TENM3: variants seen among roughly 807,000 people sequenced by gnomAD.
The protein encoded by TENM3 is teneurin-3.
A neutral mutation model predicts 255.1 loss-of-function variants in TENM3; 63 were observed. The ratio of observed to expected loss-of-function variants is 0.25; its 90% CI spans 0.20 to 0.30. The LOEUF (loss-of-function observed/expected upper bound fraction) is 0.30. Ranked by LOEUF, TENM3 falls within the 10% of genes least tolerant of loss-of-function variation. The pLI is 1.00. For missense variants in TENM3, 2,929 were observed against 3,461.1 expected, an observed-to-expected ratio of 0.85 and a Z score of 3.86; for synonymous variants, 1,306 against 1,322.3, an observed-to-expected ratio of 0.99 and a Z score of 0.27.
chr4:182,075,640 T>G, the TENM3 span, among the ~76,000 whole-genome samples: 56,548 of 152,052 alleles, frequency 0.37, 11,652 homozygotes, highest in African/African-American at 0.56. Context: ...TCCCAATCCA[T>G]ATCATCAGAC....
the TENM3 span, among the ~76,000 whole-genome samples, chr4:181,624,483 A>C: frequency 6.6e-6 from 1 of 151,930 alleles, no homozygotes; most frequent in Non-Finnish European, 1.5e-5. Context: ...ACAATAACTG[A>C]CCTCTTCTTT....
intron 3 of TENM3, among the ~76,000 whole-genome samples, chr4:182,468,393 G>C (rs1166511084): frequency 6.6e-6 from 1 of 152,202 alleles, no homozygotes; most frequent in African/African-American, 2.4e-5. Flanking sequence ...CTGGATGCCA[G>C]AAGACATGAG....
intron 3 of TENM3, among the ~76,000 whole-genome samples, chr4:182,564,744 A>C (rs537421452): frequency 2.0e-5 from 3 of 152,140 alleles, no homozygotes; most frequent in Non-Finnish European, 2.9e-5. Context: ...AAAGGCATCA[A>C]TACGTGTCCT....
the TENM3 span, among the ~76,000 whole-genome samples, chr4:181,592,117 G>A: frequency 6.6e-6 from 1 of 152,158 alleles, no homozygotes; most frequent in Non-Finnish European, 1.5e-5. Flanking sequence ...AACTTTTGCA[G>A]GTGGTGGATA....
chr4:182,206,732 C>T (rs1393083047), intron 1 of TENM3, among the ~76,000 whole-genome samples: 2 of 152,052 alleles, frequency 1.3e-5, no homozygotes, highest in African/African-American at 4.8e-5. Flanking sequence ...GTTTTTGTCC[C>T]TTCCCAATAA....
At chr4:181,582,949 G>T in the TENM3 span, among the ~76,000 whole-genome samples, 1 of 152,148 alleles carries the variant, frequency 6.6e-6, no homozygotes, top group Non-Finnish European at 1.5e-5. Context: ...TTTCTCAAGA[G>T]ATATGAACTA....
chr4:181,780,816 A>T, the TENM3 span, among the ~76,000 whole-genome samples: 14 of 152,168 alleles, frequency 9.2e-5, no homozygotes, highest in Non-Finnish European at 1.8e-4. Context: ...TAAGGAAGGG[A>T]TCCAGTTGCA....
intron 1 of TENM3, among the ~76,000 whole-genome samples, chr4:182,306,759 T>A (rs752933378): frequency 3.3e-5 from 5 of 152,182 alleles, no homozygotes; most frequent in Non-Finnish European, 7.3e-5. Flanking sequence ...ACTAGAAAGG[T>A]TCTGTAGATA....
the TENM3 span, among the ~76,000 whole-genome samples, chr4:181,785,815 TACACACAC>T: frequency 4.7e-5 from 7 of 149,134 alleles, no homozygotes; most frequent in Admixed American, 1.3e-4. Context: ...CACACACACA[TACACACAC>T]ACACACACAC....
At chr4:181,457,838 G>T in the TENM3 span, among the ~76,000 whole-genome samples, 1 of 151,918 alleles carries the variant, frequency 6.6e-6, no homozygotes, top group Admixed American at 6.6e-5. Flanking sequence ...TATTAAAAAG[G>T]TTTCACATAA....
At chr4:181,678,309 G>A in the TENM3 span, among the ~76,000 whole-genome samples, 7 of 152,192 alleles carry the variant, frequency 4.6e-5, no homozygotes, top group Admixed American at 1.3e-4. Flanking sequence ...TCAGGAAAGA[G>A]CTCTCTGAGA....
intron 4 of TENM3, among the ~76,000 whole-genome samples, chr4:182,610,390 A>T (rs1183045687): frequency 6.6e-6 from 1 of 152,212 alleles, no homozygotes; most frequent in Non-Finnish European, 1.5e-5. Context: ...CATAAAGATT[A>T]TCTAATCTGG....
chr4:181,613,834 T>G, the TENM3 span, among the ~76,000 whole-genome samples: 26 of 152,210 alleles, frequency 1.7e-4, no homozygotes, highest in Admixed American at 1.7e-3. Flanking sequence ...TTACTCTTAC[T>G]TTCTCATTAG....
At chr4:182,535,804 A>T (rs1293379849) in intron 3 of TENM3, among the ~76,000 whole-genome samples, 1 of 151,966 alleles carries the variant, frequency 6.6e-6, no homozygotes, top group Admixed American at 6.6e-5. Flanking sequence ...TATGATAAAC[A>T]TTATTACATT....
At chr4:182,796,908 T>G in intron 27 of TENM3, 141 bp downstream of exon 27, 1 of 573,390 alleles carries the variant, frequency 1.7e-6, no homozygotes, top group Non-Finnish European at 2.9e-6. Flanking sequence ...AAACAACACT[T>G]CCTCTGCATT....
At chr4:181,609,806 G>A in the TENM3 span, among the ~76,000 whole-genome samples, 4 of 152,242 alleles carry the variant, frequency 2.6e-5, no homozygotes, top group South Asian at 2.1e-4. Flanking sequence ...CCACATATTC[G>A]ATTTTAACAA....
At chr4:181,764,931 G>A in the TENM3 span, among the ~76,000 whole-genome samples, 1 of 152,112 alleles carries the variant, frequency 6.6e-6, no homozygotes, top group African/African-American at 2.4e-5. Flanking sequence ...CTGGGCTCAA[G>A]GGATCCTCCC....
chr4:181,759,183 A>C, the TENM3 span, among the ~76,000 whole-genome samples: 1 of 152,124 alleles, frequency 6.6e-6, no homozygotes, highest in Non-Finnish European at 1.5e-5. Context: ...TGATGAACTC[A>C]GCAAAAGTGA....
At chr4:182,112,220 C>T in the TENM3 span, among the ~76,000 whole-genome samples, 605 of 152,226 alleles carry the variant, frequency 4.0e-3, 3 homozygotes, top group Non-Finnish European at 4.9e-3. Context: ...TTTTATTGAC[C>T]TGACCACAAA....
Sources: gnomAD v4.1 joint callset for allele counts (sites outside exome capture counted in the v4.1 genomes callset) on GRCh38, gnomAD v4.1.1 for gene constraint, MANE v1.5 for transcripts, NCBI Gene and HGNC (gene_info 2026-07-23, HGNC 2026-07-21) for gene names.